Variants in RUNX3 observed in about 807,000 individuals in gnomAD.
The protein encoded by RUNX3 is runt-related transcription factor 3.
RUNX3 carries 10 observed loss-of-function variants against 27.7 expected under a neutral mutation model. The observed-to-expected ratio is 0.36, with a 90% confidence interval of 0.22 to 0.61. The LOEUF (loss-of-function observed/expected upper bound fraction) is 0.61. Ranked by LOEUF, RUNX3 falls within the 20% of genes least tolerant of loss-of-function variation. The pLI, the probability that RUNX3 is intolerant of heterozygous loss-of-function variation, is 0.72. For synonymous variants in RUNX3, 270 were observed against 269.2 expected (o/e 1.00, Z -0.03); for missense variants, 469 against 629.5 (o/e 0.75, Z 2.73).
intron 2 of RUNX3, among the ~76,000 whole-genome samples, chr1:24,959,717 A>G (rs1642052914): frequency 1.3e-5 from 2 of 152,164 alleles, no homozygotes; most frequent in African/African-American, 4.8e-5. Context: ...CCTCTGAGTC[A>G]GACCATCTCG....
intron 2 of RUNX3, among the ~76,000 whole-genome samples, chr1:24,950,622 G>A (rs1332277942): frequency 6.6e-6 from 1 of 152,158 alleles, no homozygotes; most frequent in Non-Finnish European, 1.5e-5. Context: ...GTGGATCTCT[G>A]TTCTTGGAGT....
chr1:24,940,641 C>T (rs908598771), intron 2 of RUNX3, among the ~76,000 whole-genome samples: 1 of 151,798 alleles, frequency 6.6e-6, no homozygotes, highest in Non-Finnish European at 1.5e-5. Context: ...TGTCTGTAAT[C>T]TCAGCTACTT....
In RUNX3 at chr1:24,962,806, C is replaced by T. The variant is rs572851596; in HGVS notation, c.58+1708G>A. On this transcript the variant is annotated intron_variant, in intron 2 of 6. Coordinates refer to the RUNX3 transcript ENST00000338888. The surrounding 1 kb of genome is among the most constrained non-coding windows in gnomAD (Gnocchi z 4.5). ...CTTTGTGCTACTGCCAGCCACCTCC[C>T]AGGCTCCGAGGATCAGGACCCAGCC... 3.9e-5 allele frequency among the ~76,000 whole-genome samples: 6 copies of T among 152,322 alleles called. No homozygotes were observed. The highest frequency in any genetic ancestry group is 1.2e-4 in the African/African-American group (5 of 41,562).
chr1:24,930,013 G>A lies in RUNX3; in HGVS notation c.-145C>T. On this transcript the variant is annotated 5_prime_UTR_variant, in exon 1 of 5. Transcript: ENST00000308873. This position sits in a 1 kb window ranked among gnomAD's most constrained non-coding sequence, Gnocchi z 4.1. ...GCCCGGGCCTCAGGGCGCAGGGGGC[G>A]GCGCCCGGCCACTACTCGCCAGGGC... The A allele has an allele frequency of 1.8e-6, 2 of 1,120,738 alleles. No homozygotes were observed. The highest frequency in any genetic ancestry group is 2.2e-6 in the Non-Finnish European group (2 of 918,852). The allele number at this position is 1,120,738 out of a possible 1,614,324, so 69.4% of individuals were successfully genotyped here.
At chr1:24,929,449 G>A (rs1330575396) in intron 1 of RUNX3, 138 bp downstream of exon 1, 2 of 882,704 alleles carry the variant, frequency 2.3e-6, no homozygotes, top group Non-Finnish European at 3.6e-6. Context: ...CGCGCAGCCA[G>A]ACTGAACCGG....
intron 1 of RUNX3, chr1:24,929,300 C>T (rs1013462627): frequency 3.1e-6 from 2 of 654,580 alleles, no homozygotes; most frequent in Admixed American, 4.1e-5. Context: ...GTTAGGGGGG[C>T]GCAAAACCCC....
At chr1:24,958,682 C>CCCTTCCTT (rs1176663791) in intron 2 of RUNX3, among the ~76,000 whole-genome samples, 1 of 152,212 alleles carries the variant, frequency 6.6e-6, no homozygotes, top group Non-Finnish European at 1.5e-5. Flanking sequence ...CTCCACCCCT[C>CCCTTCCTT]CCTTCCTTCC....
At chr1:24,925,998 C>T (rs1378591896) in intron 2 of RUNX3, among the ~76,000 whole-genome samples, 2 of 152,200 alleles carry the variant, frequency 1.3e-5, no homozygotes, top group South Asian at 2.1e-4. Flanking sequence ...CTCAGAAAAT[C>T]GTCGTCTCTT....
At chr1:24,905,999 C>T (rs1487897146) in intron 4 of RUNX3, among the ~76,000 whole-genome samples, 3 of 152,362 alleles carry the variant, frequency 2.0e-5, no homozygotes, top group South Asian at 4.1e-4. Context: ...CCAACCTTGG[C>T]GTCTCAGCAG....
intron 2 of RUNX3, chr1:24,961,873 G>T (rs1041638854): frequency 6.6e-6 from 1 of 152,236 alleles, no homozygotes; most frequent in Non-Finnish European, 1.5e-5. Context: ...GCAGTGGGGG[G>T]CACAGGGAGA....
chr1:24,908,760 C>T (rs1640740583), intron 3 of RUNX3, among the ~76,000 whole-genome samples: 1 of 152,232 alleles, frequency 6.6e-6, no homozygotes, highest in African/African-American at 2.4e-5. Context: ...CCCTCTGCCT[C>T]CCAGCATCCC....
intron 3 of RUNX3, 63 bp from the exon 4 acceptor site, chr1:24,907,480 C>A: frequency 6.6e-7 from 1 of 1,507,560 alleles, no homozygotes; most frequent in Non-Finnish European, 9.0e-7. Flanking sequence ...GACAGAAATG[C>A]CTCACTCTGC....
intron 2 of RUNX3, among the ~76,000 whole-genome samples, chr1:24,939,203 A>G (rs1174208564): frequency 6.6e-6 from 1 of 152,178 alleles, no homozygotes; most frequent in African/African-American, 2.4e-5. Context: ...GAGTGCACAC[A>G]CACACGCACA....
chr1:24,929,072 T>C (rs941484558), intron 1 of RUNX3: 9 of 457,868 alleles, frequency 2.0e-5, no homozygotes, highest in African/African-American at 6.0e-5. Flanking sequence ...CGAGCAAACG[T>C]CTGGAGAGCA....
chr1:24,933,446 C>T (rs1193243892), upstream of RUNX3, among the ~76,000 whole-genome samples: 1 of 152,202 alleles, frequency 6.6e-6, no homozygotes, highest in Non-Finnish European at 1.5e-5. Context: ...TGCTGGGGGC[C>T]TTTGACCCAC....
intron 4 of RUNX3, among the ~76,000 whole-genome samples, chr1:24,906,253 A>C (rs1310317043): frequency 6.6e-6 from 1 of 152,224 alleles, no homozygotes; most frequent in Non-Finnish European, 1.5e-5. Context: ...GGGAGCAGGT[A>C]CTGTGGAGAC....
At chr1:24,918,806 G>C (rs1353808803) in intron 3 of RUNX3, among the ~76,000 whole-genome samples, 1 of 152,178 alleles carries the variant, frequency 6.6e-6, no homozygotes, top group African/African-American at 2.4e-5. Context: ...CAGTTTCCAA[G>C]GAAGAGGCCT....
Position 24,904,543 on chromosome 1 carries a change from G to T in RUNX3, c.704-1877C>A, listed in dbSNP as rs1053561849. Among the ~76,000 whole-genome samples the T allele has an allele frequency of 1.3e-5, 2 of 152,206 alleles. No individual in the cohort carries two copies. The highest frequency in any genetic ancestry group is 2.4e-5 in the African/African-American group (1 of 41,460). ...AGTTTTCATCTGGGGAGCCCCTCGG[G>T]GGGAGAGGTCCTGTTGCAGGTGCTG... On this transcript the variant is annotated intron_variant, in intron 4 of 4. Transcript: ENST00000308873. The surrounding 1 kb of genome is among the most constrained non-coding windows in gnomAD (Gnocchi z 5.7).
chr1:24,947,266 A>G (rs923676879), intron 2 of RUNX3, among the ~76,000 whole-genome samples: 2 of 152,156 alleles, frequency 1.3e-5, no homozygotes, highest in African/African-American at 4.8e-5. Context: ...CAATGGGGCA[A>G]AGTCCCAGCA....
Sources: allele counts gnomAD v4.1 joint callset (sites outside exome capture counted in the v4.1 genomes callset), GRCh38; gene constraint gnomAD v4.1.1; non-coding constraint Gnocchi (gnomAD v3.1); transcripts MANE v1.5; gene names NCBI Gene and HGNC (gene_info 2026-07-23, HGNC 2026-07-21).